Variants in NCALD observed in about 807,000 individuals in gnomAD.
NCALD encodes neurocalcin delta.
Under a neutral mutation model 18.6 loss-of-function variants are expected in NCALD, and 10 were observed. That is an observed-to-expected ratio of 0.54 (90% CI 0.33 to 0.91). NCALD has a LOEUF of 0.91. Among genes scored for constraint, NCALD ranks in the 40% least tolerant of loss-of-function variants. NCALD has a pLI of 0.03. For missense variants in NCALD, 184 were observed against 247.6 expected (o/e 0.74, Z 1.72); for synonymous variants, 88 against 87.4 (o/e 1.01, Z -0.04).
chr8:101,717,154 A>G (rs964745532), intron 2 of NCALD, among the ~76,000 whole-genome samples: 4 of 152,244 alleles, frequency 2.6e-5, no homozygotes, highest in Admixed American at 1.3e-4. Flanking sequence ...AGCTACACAG[A>G]ATCCACAGTA....
rs564743101 is a variant in NCALD, at chr8:101,986,094, G to A, written c.-157+34143C>T. ...CACTCTGTCGCCCAGGCAGTGGCGC[G>A]ATCTTGGCTCACTGCAACCTCCGCC... On this transcript the variant is annotated intron_variant, in intron 2 of 6. Transcript: ENST00000311028. 2.6e-5 allele frequency among the ~76,000 whole-genome samples: 4 copies of A among 151,768 alleles called. No individual in the cohort carries two copies. In the South Asian group the frequency reaches 6.2e-4, roughly 24 times the overall value.
At chr8:101,720,734 C>A (rs1586300200) in intron 1 of NCALD, among the ~76,000 whole-genome samples, 1 of 152,162 alleles carries the variant, frequency 6.6e-6, no homozygotes, top group East Asian at 1.9e-4. Flanking sequence ...TAGAAAGCAC[C>A]ATTTCTTCAA....
intron 2 of NCALD, among the ~76,000 whole-genome samples, chr8:101,982,049 T>C (rs887067110): frequency 4.6e-5 from 7 of 152,122 alleles, no homozygotes; most frequent in Non-Finnish European, 8.8e-5. Context: ...TGTCTCTTTC[T>C]TGCTCCCACT....
chr8:102,079,691 C>T (rs1824462627), intron 1 of NCALD, among the ~76,000 whole-genome samples: 1 of 152,188 alleles, frequency 6.6e-6, no homozygotes, highest in South Asian at 2.1e-4. Flanking sequence ...CAACTGCTGT[C>T]ATTTTAACAG....
intron 1 of NCALD, among the ~76,000 whole-genome samples, chr8:101,749,164 A>G (rs903248663): frequency 3.6e-4 from 55 of 152,370 alleles, no homozygotes; most frequent in African/African-American, 1.3e-3. Flanking sequence ...TGGATTAGAA[A>G]TAAATCCTTA....
intron 4 of NCALD, among the ~76,000 whole-genome samples, chr8:101,868,151 G>T (rs1464784600): frequency 6.6e-6 from 1 of 152,128 alleles, no homozygotes; most frequent in Non-Finnish European, 1.5e-5. Context: ...TTGCCTGGCT[G>T]TTGGAGGAAC....
chr8:102,009,624 A>G (rs752522124), intron 2 of NCALD, among the ~76,000 whole-genome samples: 5 of 152,244 alleles, frequency 3.3e-5, no homozygotes, highest in African/African-American at 1.2e-4. Context: ...CAAATATCTC[A>G]TAAAAGATTA....
At chr8:101,711,546 C>G (rs1426314761) in intron 2 of NCALD, among the ~76,000 whole-genome samples, 1 of 151,800 alleles carries the variant, frequency 6.6e-6, no homozygotes, top group Non-Finnish European at 1.5e-5. Context: ...GAGTTGCTAA[C>G]TAGAATAACC....
At chr8:101,779,330 T>C (rs1188367894) in intron 1 of NCALD, among the ~76,000 whole-genome samples, 1 of 152,076 alleles carries the variant, frequency 6.6e-6, no homozygotes, top group African/African-American at 2.4e-5. Context: ...GAGAGCATCT[T>C]CAATAAGAAA....
chr8:102,001,050 A>G (rs924503885), intron 2 of NCALD, among the ~76,000 whole-genome samples: 2 of 152,250 alleles, frequency 1.3e-5, no homozygotes, highest in African/African-American at 4.8e-5. Context: ...AGTAGAGAGA[A>G]GAAGGCTTCA....
At chr8:102,025,971 A>G (rs561205064) in intron 1 of NCALD, among the ~76,000 whole-genome samples, 1 of 152,324 alleles carries the variant, frequency 6.6e-6, no homozygotes, top group East Asian at 1.9e-4. Flanking sequence ...TTCTTCACAC[A>G]GCAGCAGGAA....
At chr8:101,707,844 G>C (rs1442624127) in intron 2 of NCALD, among the ~76,000 whole-genome samples, 1 of 151,874 alleles carries the variant, frequency 6.6e-6, no homozygotes, top group Non-Finnish European at 1.5e-5. Context: ...CTCCAGCCTG[G>C]ACGACAGAGC....
At chr8:102,042,028 C>T (rs1823066696) in intron 1 of NCALD, among the ~76,000 whole-genome samples, 2 of 151,978 alleles carry the variant, frequency 1.3e-5, no homozygotes, top group African/African-American at 2.4e-5. Context: ...GAATTCCCTG[C>T]TAAAATCCCT....
At chr8:101,990,794 C>G (rs1179726330) in intron 2 of NCALD, among the ~76,000 whole-genome samples, 1 of 152,150 alleles carries the variant, frequency 6.6e-6, no homozygotes, top group Non-Finnish European at 1.5e-5. Context: ...CAACCACATT[C>G]TCTCAGGCTC....
rs145961888 is a variant in NCALD at position 102,077,320 on chromosome 8, G to A, written c.-210+46917C>T. ...GGTTCCTCCACAGGGTTCAAAATAC[G>A]GAGGCCGCATTGTGTCCATGGATGG... On this transcript the variant is annotated intron_variant, in intron 1 of 6. Coordinates refer to the NCALD transcript ENST00000311028. Among the ~76,000 whole-genome samples the A allele has an allele frequency of 6.2e-3, 944 of 152,210 alleles. 9 individuals carry two copies. Among genetic ancestry groups the A allele is most frequent in the African/African-American group, 0.021 (859 of 41,538 alleles).
chr8:102,034,264 T>C (rs1822785318), intron 1 of NCALD, among the ~76,000 whole-genome samples: 1 of 152,198 alleles, frequency 6.6e-6, no homozygotes, highest in African/African-American at 2.4e-5. Context: ...TTGATTAACC[T>C]GTAAGGGGAA....
intron 4 of NCALD, among the ~76,000 whole-genome samples, chr8:101,841,180 G>T (rs980137447): frequency 5.9e-5 from 9 of 151,984 alleles, no homozygotes; most frequent in African/African-American, 2.2e-4. Context: ...TAATTCACTG[G>T]GTCTCTGACA....
At chr8:101,918,582 A>G (rs1000527069) in intron 2 of NCALD, among the ~76,000 whole-genome samples, 1 of 152,172 alleles carries the variant, frequency 6.6e-6, no homozygotes, top group Non-Finnish European at 1.5e-5. Flanking sequence ...CTATACCTAG[A>G]AAACCCTAAA....
chr8:101,730,737 GT>G (rs1199129411), intron 1 of NCALD, among the ~76,000 whole-genome samples: 2 of 152,184 alleles, frequency 1.3e-5, no homozygotes, highest in African/African-American at 2.4e-5. Flanking sequence ...AGACATTTAG[GT>G]TGACTCCACT....
Sources: allele counts gnomAD v4.1 joint callset (sites outside exome capture counted in the v4.1 genomes callset), GRCh38; gene constraint gnomAD v4.1.1; transcripts MANE v1.5; gene names NCBI Gene and HGNC (gene_info 2026-07-23, HGNC 2026-07-21).